SPATA13: variants seen among roughly 807,000 people sequenced by gnomAD.
SPATA13 encodes the protein spermatogenesis-associated protein 13.
A neutral mutation model predicts 104.0 loss-of-function variants in SPATA13; 50 were observed. That is an observed-to-expected ratio of 0.48 (90% CI 0.38 to 0.61). The LOEUF (loss-of-function observed/expected upper bound fraction) is 0.61, where lower values mean the gene tolerates loss of function less well. SPATA13 is among the 20% of genes least tolerant of loss of function. The pLI, the probability that SPATA13 is intolerant of heterozygous loss-of-function variation, is 0.00. For missense variants in SPATA13, 1,524 were observed against 1,690.6 expected, an observed-to-expected ratio of 0.90 and a Z score of 1.73; for synonymous variants, 606 against 667.5, an observed-to-expected ratio of 0.91 and a Z score of 1.42.
intron 1 of SPATA13, among the ~76,000 whole-genome samples, chr13:24,203,666 G>C (rs181367114): frequency 6.6e-6 from 1 of 152,150 alleles, no homozygotes; most frequent in East Asian, 1.9e-4. Context: ...AATTTCACGG[G>C]TTCTTCAATT....
chr13:24,006,470 T>A (rs1367370206), intron 2 of SPATA13, among the ~76,000 whole-genome samples: 1 of 152,174 alleles, frequency 6.6e-6, no homozygotes, highest in Admixed American at 6.5e-5. Context: ...TTTCATCTAA[T>A]GTGATGTGCG....
At chr13:24,057,274 A>T (rs1029311784) in intron 3 of SPATA13, among the ~76,000 whole-genome samples, 1 of 148,524 alleles carries the variant, frequency 6.7e-6, no homozygotes, top group Non-Finnish European at 1.5e-5. Flanking sequence ...GATGTTGGGA[A>T]ATGGAACTTC....
rs1420342538 is a variant in SPATA13 at position 24,305,228 on chromosome 13, A to G, written c.*2455A>G. On this transcript the variant is annotated 3_prime_UTR_variant, in exon 13 of 13. Coordinates refer to ENST00000382108, the MANE Select transcript of SPATA13 (RefSeq NM_001166271.3). ...CTAATTTATTTTCCAGCTGAGCCCT[A>G]ACTTCCGGCTCCCACCTACCTCCAC... The G allele has an allele frequency of 2.0e-5, 3 of 152,086 alleles. No individual in the cohort carries two copies. Among genetic ancestry groups the G allele is most frequent in the Non-Finnish European group, 4.4e-5 (3 of 68,020 alleles). 9.4% of individuals were successfully genotyped at this position (152,086 alleles called of 1,614,324 possible). A position where few individuals can be genotyped will look rare whatever the true frequency, so the allele number is the denominator to read the frequency against.
Position 24,224,184 on chromosome 13 carries a change from G to A in SPATA13, c.1255G>A (p.Ala419Thr). 1 of 1,551,738 alleles carries A rather than the reference G, an allele frequency of 6.4e-7. No homozygotes were observed. Among genetic ancestry groups the A allele is most frequent in the Non-Finnish European group, 8.7e-7 (1 of 1,146,998 alleles). The stretch of plus-strand genomic sequence containing the variant: ...TCCTCTTGAAACCAAAAGTTCCTGG[G>A]CGGTGGAAAGCGACAGTTCCTGCAC... ...VFPLETKSSW[A>T]VESDSSCTCS... The change falls in exon 2 of 13, where the codon GCG becomes ACG. Residue 419 changes from alanine (A) to threonine (T), a missense_variant. By Grantham distance (58) the Ala-to-Thr change is moderately conservative. This residue lies in a region of SPATA13 where 1,089 missense variants were observed against 1,135.9 expected (regional missense o/e 0.96). Coordinates refer to ENST00000382108, the MANE Select transcript of SPATA13 (RefSeq NM_001166271.3).
intron 3 of SPATA13, among the ~76,000 whole-genome samples, chr13:24,089,659 C>T (rs770128173): frequency 6.6e-6 from 1 of 152,140 alleles, no homozygotes; most frequent in Admixed American, 6.5e-5. Flanking sequence ...GCAGTCCATG[C>T]GATATTTGAA....
At chr13:24,240,178 T>G (rs898977631) in intron 2 of SPATA13, among the ~76,000 whole-genome samples, 4 of 151,860 alleles carry the variant, frequency 2.6e-5, no homozygotes, top group African/African-American at 9.7e-5. Flanking sequence ...AAGGATCACT[T>G]GAACCCTGAA....
intron 3 of SPATA13, among the ~76,000 whole-genome samples, chr13:24,059,250 T>C (rs907761441): frequency 6.6e-6 from 1 of 151,754 alleles, no homozygotes; most frequent in Non-Finnish European, 1.5e-5. Flanking sequence ...GGATTACAGG[T>C]GTGGCCCACT....
At chr13:24,258,967 C>A (rs1261868758) in intron 4 of SPATA13, among the ~76,000 whole-genome samples, 1 of 152,086 alleles carries the variant, frequency 6.6e-6, no homozygotes. Context: ...TAGCTAGCCA[C>A]TGGGGAGCAA....
intron 2 of SPATA13, among the ~76,000 whole-genome samples, chr13:24,007,411 G>C (rs1297839779): frequency 1.3e-5 from 2 of 152,202 alleles, no homozygotes; most frequent in African/African-American, 4.8e-5. Flanking sequence ...AAATCCTGCT[G>C]CACCAGGGAC....
chr13:24,041,635 T>C (rs1877933918), intron 3 of SPATA13, among the ~76,000 whole-genome samples: 2 of 152,196 alleles, frequency 1.3e-5, no homozygotes, highest in Non-Finnish European at 2.9e-5. Context: ...ATTCTTTTTC[T>C]TCTTAGTGGG....
At position 24,303,331 on chromosome 13, in the gene SPATA13, T is replaced by C. The variant is rs550834564; in HGVS notation, c.*558T>C. ...CTGACCACGGTGTTCCCTGGCATCG[T>C]CTGTGTCCACACAGATGCTAACTGG... is the stretch of plus-strand genomic sequence containing the variant. On this transcript the variant is annotated 3_prime_UTR_variant, in exon 13 of 13. Coordinates refer to ENST00000382108, the MANE Select transcript of SPATA13 (RefSeq NM_001166271.3). The C allele has an allele frequency of 3.8e-4, 119 of 314,778 alleles. No individual in the cohort carries two copies. The highest frequency in any genetic ancestry group is 7.0e-4 in the Admixed American group (17 of 24,374). The allele number at this position is 314,778 out of a possible 1,614,324, so 19.5% of individuals were successfully genotyped here.
chr13:24,090,360 C>T (rs1386110152), intron 3 of SPATA13, among the ~76,000 whole-genome samples: 1 of 152,202 alleles, frequency 6.6e-6, no homozygotes, highest in Non-Finnish European at 1.5e-5. Context: ...TCCATCCAAC[C>T]TGTACATTTA....
At position 24,190,076 on chromosome 13, in the gene SPATA13, T is replaced by C. The variant is rs187091529; in HGVS notation, c.-112+29144T>C. Among the ~76,000 whole-genome samples, 48 of 8,558 alleles carry C rather than the reference T, an allele frequency of 5.6e-3. 7 individuals are homozygous for C. The Non-Finnish European group carries it at 0.067, about 12-fold the overall frequency. The allele number at this position is 8,558 out of a possible 152,430, so 5.6% of individuals were successfully genotyped here. ...ACATATAATGATATACTATATATATTATTATATAACATATAATGATATACA... is the reference window on the plus strand; with the variant it reads ...ACATATAATGATATACTATATATATCATTATATAACATATAATGATATACA... On this transcript the variant is annotated intron_variant, in intron 1 of 12. Transcript: ENST00000382108.
rs575573260 is a variant in SPATA13, at chr13:24,020,306, T to C, written c.-112+2605T>C. Among the ~76,000 whole-genome samples, 5 of 152,212 alleles carry C rather than the reference T, an allele frequency of 3.3e-5. No individual in the cohort carries two copies. In the East Asian group the frequency reaches 9.6e-4, roughly 29 times the overall value. On this transcript the variant is annotated intron_variant, in intron 3 of 14. Coordinates refer to the SPATA13 transcript ENST00000424834. The stretch of plus-strand genomic sequence containing the variant: ...GCTTGAACTTCTAACCAATATGCAG[T>C]TGACATTGTTCTAAGTTATGAAAAA...
At chr13:24,072,077 A>G (rs1035205642) in intron 3 of SPATA13, among the ~76,000 whole-genome samples, 1 of 152,218 alleles carries the variant, frequency 6.6e-6, no homozygotes, top group Non-Finnish European at 1.5e-5. Context: ...AAGAATATTA[A>G]GGAAGAGTGA....
intron 2 of SPATA13, among the ~76,000 whole-genome samples, chr13:23,994,545 C>T (rs1875582764): frequency 6.6e-6 from 1 of 152,228 alleles, no homozygotes; most frequent in Admixed American, 6.5e-5. Flanking sequence ...GCCCTGGATG[C>T]TGAGATCCTC....
chr13:24,147,994 C>T (rs1007971827), intron 3 of SPATA13, among the ~76,000 whole-genome samples: 5 of 152,142 alleles, frequency 3.3e-5, no homozygotes, highest in Non-Finnish European at 7.3e-5. Context: ...TCCATTCATC[C>T]ACCACTGGAC....
chr13:24,059,367 A>G (rs1878698860), intron 3 of SPATA13, among the ~76,000 whole-genome samples: 1 of 151,800 alleles, frequency 6.6e-6, no homozygotes. Flanking sequence ...CTCTCAGAAG[A>G]TTGTTCTCAG....
chr13:24,021,183 G>A (rs1041209576), intron 3 of SPATA13, among the ~76,000 whole-genome samples: 10 of 152,254 alleles, frequency 6.6e-5, no homozygotes, highest in Admixed American at 5.9e-4. Flanking sequence ...GGAGAGAGGA[G>A]CTGGCCTCTA....
Sources: allele counts gnomAD v4.1 joint callset (sites outside exome capture counted in the v4.1 genomes callset), GRCh38; gene constraint gnomAD v4.1.1; regional missense constraint gnomAD v4.1.1; transcripts MANE v1.5; gene names NCBI Gene and HGNC (gene_info 2026-07-23, HGNC 2026-07-21).